The following HGSNAT variants were observed in gnomAD, a reference collection of about 807,000 sequenced individuals.
HGSNAT encodes heparan-alpha-glucosaminide N-acetyltransferase.
In HGSNAT, 59 loss-of-function variants were observed where a neutral mutation model predicts 85.2. The ratio of observed to expected loss-of-function variants is 0.69; its 90% CI spans 0.56 to 0.86. The LOEUF is 0.86. HGSNAT is among the 40% of genes least tolerant of loss of function. HGSNAT has a pLI of 0.00. For synonymous variants in HGSNAT, 321 were observed against 304.5 expected (o/e 1.05, Z -0.56); for missense variants, 756 against 777.1 (o/e 0.97, Z 0.32).
chr8:43,145,706 G>A (rs866619628), intron 1 of HGSNAT, among the ~76,000 whole-genome samples: 10 of 151,940 alleles, frequency 6.6e-5, no homozygotes, highest in Middle Eastern at 3.4e-3. Flanking sequence ...AGCCGAGATC[G>A]CGCCACTGCA....
intron 14 of HGSNAT, among the ~76,000 whole-genome samples, chr8:43,195,313 T>C (rs572008941): frequency 6.6e-6 from 1 of 152,260 alleles, no homozygotes; most frequent in Admixed American, 6.5e-5. Flanking sequence ...TTCACACATA[T>C]TTTATATAAA....
intron 11 of HGSNAT, among the ~76,000 whole-genome samples, chr8:43,184,173 A>C (rs577040906): frequency 1.3e-4 from 20 of 152,322 alleles, no homozygotes; most frequent in African/African-American, 4.8e-4. Context: ...GCTGGGTCCA[A>C]TGGTATTTCT....
chr8:43,152,682 C>T (rs940530547), intron 2 of HGSNAT, among the ~76,000 whole-genome samples: 1 of 152,124 alleles, frequency 6.6e-6, no homozygotes, highest in Non-Finnish European at 1.5e-5. Context: ...GTTTGGAACT[C>T]CTGGCCTCAA....
intron 1 of HGSNAT, among the ~76,000 whole-genome samples, chr8:43,146,020 A>G (rs1242256633): frequency 6.6e-6 from 1 of 152,182 alleles, no homozygotes; most frequent in Non-Finnish European, 1.5e-5. Context: ...CTTTTAGACA[A>G]GAGCAGTTCA....
chr8:43,185,602 C>T (rs1411494602), intron 11 of HGSNAT, among the ~76,000 whole-genome samples: 1 of 152,202 alleles, frequency 6.6e-6, no homozygotes, highest in South Asian at 2.1e-4. Context: ...ATTTGACTTC[C>T]TCCTTTCCTA....
Position 43,191,507 on chromosome 8 carries a change from T to A in HGSNAT, c.1162T>A (p.Ser388Thr). 1 of 1,613,944 alleles carries A rather than the reference T, an allele frequency of 6.2e-7. No individual in the cohort carries two copies. Among genetic ancestry groups the A allele is most frequent in the Admixed American group, 1.7e-5 (1 of 60,018 alleles). ...CTGCCTTTCTCTTCGAGACATCACG[T>A]CCAGCTGGCCCCAGTGGCTGCTCAT... ...RSCLSLRDIT[S>T]SWPQWLLILV... Residue 388 changes from serine to threonine, a missense_variant, in exon 12 of 18, where the codon TCC becomes ACC. Physicochemically the swap from Ser to Thr is moderately conservative, Grantham distance 58. Transcript: ENST00000379644.
At chr8:43,197,424 CAG>C in intron 15 of HGSNAT, 1 of 560,994 alleles carries the variant, frequency 1.8e-6, no homozygotes, top group East Asian at 2.9e-5. Context: ...GCCTCCTCTT[CAG>C]AGTCACTGTC....
At chr8:43,154,518 A>G (rs1486609001) in intron 2 of HGSNAT, among the ~76,000 whole-genome samples, 4 of 152,154 alleles carry the variant, frequency 2.6e-5, no homozygotes, top group Non-Finnish European at 4.4e-5. Context: ...TACAAAGGAC[A>G]TGAACTCATC....
intron 11 of HGSNAT, among the ~76,000 whole-genome samples, chr8:43,189,402 G>A (rs1804444833): frequency 6.6e-6 from 1 of 152,182 alleles, no homozygotes; most frequent in Non-Finnish European, 1.5e-5. Context: ...CTAGCAATGA[G>A]TAAGGTTCTG....
At position 43,159,048 on chromosome 8, in the gene HGSNAT, C is replaced by G. The variant is rs372471081; in HGVS notation, c.493+4C>G. 3.1e-6 allele frequency: 5 copies of G among 1,607,512 alleles called. No homozygotes were observed. The Admixed American group carries it at 8.6e-5, about 28-fold the overall frequency. ...GATCCAGTTGATAGTAACCTTCGTACGTATATGTTCTCTGCTGATTTTCAC... is the reference window on the plus strand; with the variant it reads ...GATCCAGTTGATAGTAACCTTCGTAGGTATATGTTCTCTGCTGATTTTCAC... On this transcript the variant is annotated splice_donor_region_variant and intron_variant, in intron 4 of 17. Coordinates refer to ENST00000379644, the MANE Select transcript of HGSNAT (RefSeq NM_152419.3).
intron 11 of HGSNAT, 139 bp downstream of exon 11, chr8:43,182,399 A>G (rs1454885693): frequency 1.3e-6 from 1 of 755,178 alleles, no homozygotes; most frequent in East Asian, 2.7e-5. Context: ...TGGCCACCCA[A>G]AGCGCCGGGA....
At chr8:43,154,422 CAT>C (rs989886656) in intron 2 of HGSNAT, among the ~76,000 whole-genome samples, 14 of 150,666 alleles carry the variant, frequency 9.3e-5, no homozygotes, top group African/African-American at 3.4e-4. Context: ...TCAATTCCCA[CAT>C]ATGAGTGAGA....
At chr8:43,182,378 T>A in intron 11 of HGSNAT, 118 bp downstream of exon 11, 1 of 871,076 alleles carries the variant, frequency 1.1e-6, no homozygotes, top group Non-Finnish European at 1.9e-6. Flanking sequence ...CTTCAAGTGA[T>A]CCTCCTGCCT....
At position 43,169,165 on chromosome 8, in the gene HGSNAT, A is replaced by AT. The variant is rs748560542; in HGVS notation, c.564-4dup. On this transcript the variant is annotated splice_polypyrimidine_tract_variant and splice_region_variant and intron_variant, in intron 5 of 17. Transcript: ENST00000379644. Reference sequence around the variant, plus strand: ...AATAAATTAATTGAGCCCTTTATTTATTTTCAGTTTGGATGACTTTAACAA... The same window carrying AT: ...AATAAATTAATTGAGCCCTTTATTTATTTTTCAGTTTGGATGACTTTAACAA... 35 of 1,517,838 alleles carry AT rather than the reference A, an allele frequency of 2.3e-5. No homozygotes were observed. In the African/African-American group the frequency reaches 4.4e-4, roughly 19 times the overall value. 94.0% of individuals were successfully genotyped at this position (1,517,838 alleles called of 1,614,324 possible).
At chr8:43,175,857 G>A (rs894420850) in intron 9 of HGSNAT, among the ~76,000 whole-genome samples, 5 of 152,020 alleles carry the variant, frequency 3.3e-5, no homozygotes, top group Admixed American at 6.5e-5. Context: ...GTGAGCCACC[G>A]AGCCCGGCCT....
intron 11 of HGSNAT, among the ~76,000 whole-genome samples, chr8:43,185,343 G>A (rs914687213): frequency 6.6e-6 from 1 of 152,098 alleles, no homozygotes; most frequent in Admixed American, 6.6e-5. Flanking sequence ...TCCTTGAGGA[G>A]GTCCTTCACA....
At chr8:43,189,499 G>A (rs1220880498) in intron 11 of HGSNAT, among the ~76,000 whole-genome samples, 1 of 152,188 alleles carries the variant, frequency 6.6e-6, no homozygotes, top group Non-Finnish European at 1.5e-5. Context: ...CAGTATTAGT[G>A]TAGGAGTGTC....
chr8:43,179,202 C>A (rs1803933430), intron 10 of HGSNAT, among the ~76,000 whole-genome samples: 1 of 151,070 alleles, frequency 6.6e-6, no homozygotes, highest in African/African-American at 2.4e-5. Flanking sequence ...GCAGAAGCGC[C>A]CCTCACCTCC....
rs765859922 is a variant in HGSNAT at position 43,161,468 on chromosome 8, C to G, written c.524C>G (p.Ala175Gly). The stretch of plus-strand genomic sequence containing the variant: ...AGCATTGCATTCCTTATTGGTCTTG[C>G]TGTCATCATTGTGATATCCTTTCTG... ...PVSIAFLIGLAVIIVISFLRL... is the reference protein window; with the variant it reads ...PVSIAFLIGLGVIIVISFLRL... The change falls in exon 5 of 18, where the codon GCT (alanine) becomes GGT (glycine). Residue 175 changes from alanine (A) to glycine (G), a missense_variant. Physicochemically the swap from Ala to Gly is moderately conservative, Grantham distance 60. Coordinates refer to ENST00000379644, the MANE Select transcript of HGSNAT (RefSeq NM_152419.3). 3 of 1,611,962 alleles carry G rather than the reference C, an allele frequency of 1.9e-6. No individual in the cohort carries two copies. The South Asian group carries it at 3.3e-5, about 18-fold the overall frequency.
Sources: allele counts gnomAD v4.1 joint callset (sites outside exome capture counted in the v4.1 genomes callset), GRCh38; gene constraint gnomAD v4.1.1; transcripts MANE v1.5; gene names NCBI Gene and HGNC (gene_info 2026-07-23, HGNC 2026-07-21).